The following MUC15 variants were observed in gnomAD, a reference collection of about 807,000 sequenced individuals.
MUC15 encodes the protein mucin 15, cell surface associated.
In MUC15, 23 loss-of-function variants were observed where a neutral mutation model predicts 24.0. The ratio of observed to expected loss-of-function variants is 0.96; its 90% CI spans 0.69 to 1.36. MUC15 has a LOEUF of 1.36. Among genes scored for constraint, MUC15 ranks in the 40% most tolerant of loss-of-function variants. MUC15 has a pLI of 0.00. For missense variants in MUC15, 442 were observed against 428.2 expected (o/e 1.03, Z -0.29); for synonymous variants, 151 against 156.3 (o/e 0.97, Z 0.25).
chr11:26,559,644 C>T lies in MUC15; in HGVS notation c.*1421G>A, dbSNP rs1187440864. The T allele has an allele frequency of 1.5e-5, 15 of 995,044 alleles. No individual in the cohort carries two copies. The East Asian group carries it at 3.6e-4, about 24-fold the overall frequency. The allele number at this position is 995,044 out of a possible 1,614,324, so 61.6% of individuals were successfully genotyped here. A position where few individuals can be genotyped will look rare whatever the true frequency, so the allele number is the denominator to read the frequency against. On this transcript the variant is annotated 3_prime_UTR_variant, in exon 5 of 5. Transcript: ENST00000529533. Reference sequence around the variant, plus strand: ...TCTATTTGAGAAAAAATCATAGTACCTGAGTGCAAACAGTATTCACTGGCT... The same window carrying T: ...TCTATTTGAGAAAAAATCATAGTACTTGAGTGCAAACAGTATTCACTGGCT...
intron 1 of MUC15, among the ~76,000 whole-genome samples, chr11:26,570,456 C>A (rs112342092): frequency 0.12 from 18,115 of 152,100 alleles, 1,447 homozygotes; most frequent in Non-Finnish European, 0.18. Flanking sequence ...TTATACCAAG[C>A]TTTGGAAATA....
At chr11:26,567,460 A>G (rs910532671) in intron 1 of MUC15, among the ~76,000 whole-genome samples, 1 of 151,932 alleles carries the variant, frequency 6.6e-6, no homozygotes, top group African/African-American at 2.4e-5. Flanking sequence ...ATTAGGGTCT[A>G]CAGAGCTTCT....
At chr11:26,562,479 T>C (rs366748) in intron 4 of MUC15, among the ~76,000 whole-genome samples, 111,410 of 151,744 alleles carry the variant, frequency 0.73, 41,158 homozygotes, top group Admixed American at 0.8. Context: ...AAAACAAATA[T>C]CAAATTGATA....
rs1006412105 is a variant in MUC15 at position 26,559,510 on chromosome 11, G to A, written c.*1555C>T. On this transcript the variant is annotated 3_prime_UTR_variant, in exon 5 of 5. Transcript: ENST00000529533. The stretch of plus-strand genomic sequence containing the variant: ...GGGAATCAAGAGAGGAGAGAAGAGG[G>A]CTAATGTTGTTTCTTCACCTCTCCC... The A allele has an allele frequency of 5.5e-6, 3 of 542,728 alleles. No individual in the cohort carries two copies. Among genetic ancestry groups the A allele is most frequent in the African/African-American group, 3.8e-5 (2 of 52,804 alleles). 33.6% of individuals were successfully genotyped at this position (542,728 alleles called of 1,614,324 possible).
chr11:26,566,928 C>T, intron 2 of MUC15, 124 bp downstream of exon 2: 1 of 852,772 alleles, frequency 1.2e-6, no homozygotes, highest in African/African-American at 1.8e-5. Context: ...GCACTCTAAA[C>T]AAGATCTAGC....
intron 3 of MUC15, among the ~76,000 whole-genome samples, 192 bp downstream of exon 3, chr11:26,564,973 A>G (rs1850508009): frequency 6.6e-6 from 1 of 150,890 alleles, no homozygotes; most frequent in Non-Finnish European, 1.5e-5. Flanking sequence ...TGACTAGTAT[A>G]TGTTCATTGA....
At chr11:26,568,640 A>G (rs986693319) in intron 1 of MUC15, among the ~76,000 whole-genome samples, 2 of 152,116 alleles carry the variant, frequency 1.3e-5, no homozygotes, top group African/African-American at 4.8e-5. Flanking sequence ...ATAACTGTCT[A>G]TTATGGTTTC....
At chr11:26,562,391 T>C (rs2134252745) in intron 4 of MUC15, among the ~76,000 whole-genome samples, 1 of 152,066 alleles carries the variant, frequency 6.6e-6, no homozygotes, top group East Asian at 1.9e-4. Context: ...TTTGTTATGG[T>C]GACAAGAATC....
At chr11:26,564,942 C>T (rs1850506761) in intron 3 of MUC15, among the ~76,000 whole-genome samples, 1 of 150,700 alleles carries the variant, frequency 6.6e-6, no homozygotes, top group African/African-American at 2.4e-5. Context: ...CCCATTGTCT[C>T]CTTACACTCC....
chr11:26,564,606 AAATT>A (rs1850443272), intron 3 of MUC15, among the ~76,000 whole-genome samples: 1 of 148,280 alleles, frequency 6.7e-6, no homozygotes. Flanking sequence ...TCCACATAAT[AAATT>A]GTTTGTGATT....
intron 1 of MUC15, among the ~76,000 whole-genome samples, chr11:26,567,523 T>A (rs922810856): frequency 6.6e-6 from 1 of 152,014 alleles, no homozygotes; most frequent in African/African-American, 2.4e-5. Flanking sequence ...CTCTCTTACA[T>A]AATAATTTCT....
At chr11:26,563,323 T>G in intron 3 of MUC15, 58 bp from the exon 4 acceptor site, 3 of 1,498,230 alleles carry the variant, frequency 2.0e-6, no homozygotes, top group African/African-American at 1.4e-5. Context: ...AACCGAACTC[T>G]ATGCATGTGA....
chr11:26,563,091 G>A (rs377300882), intron 4 of MUC15, 25 bp downstream of exon 4: 4 of 1,608,590 alleles, frequency 2.5e-6, no homozygotes, highest in African/African-American at 1.3e-5. Context: ...CTGTGCCCAG[G>A]TGAAGTATTG....
rs1414783321 is a variant in MUC15 at position 26,559,934 on chromosome 11, A to G, written c.*1131T>C. 2 of 562,278 alleles carry G rather than the reference A, an allele frequency of 3.6e-6. No individual in the cohort carries two copies. The highest frequency in any genetic ancestry group is 6.3e-6 in the Non-Finnish European group (2 of 316,086). The allele number at this position is 562,278 out of a possible 1,614,324, so 34.8% of individuals were successfully genotyped here. ...GGTACTTGATTTGTTTGCTCTCTTC[A>G]TATATTCAGTGCTTCTTTAGGAATT... On this transcript the variant is annotated 3_prime_UTR_variant, in exon 5 of 5. Transcript: ENST00000529533.
rs1478571987 is a variant in MUC15 at position 26,560,060 on chromosome 11, A to G, written c.*1005T>C. ...GAAGGTGGTAATTAAAAACAAACTG[A>G]AACATACTAGAATCCAAATTAATCT... On this transcript the variant is annotated 3_prime_UTR_variant, in exon 5 of 5. Coordinates refer to ENST00000529533, the MANE Select transcript of MUC15 (RefSeq NM_001135091.2). 9.4e-6 allele frequency: 3 copies of G among 317,622 alleles called. No individual in the cohort carries two copies. The highest frequency in any genetic ancestry group is 6.4e-5 in the African/African-American group (3 of 46,824). 19.7% of individuals were successfully genotyped at this position (317,622 alleles called of 1,614,324 possible). A position where few individuals can be genotyped will look rare whatever the true frequency, so the allele number is the denominator to read the frequency against.
chr11:26,561,590 G>T (rs990788345), intron 4 of MUC15, among the ~76,000 whole-genome samples: 1 of 151,960 alleles, frequency 6.6e-6, no homozygotes, highest in African/African-American at 2.4e-5. Context: ...GTCACTTCTG[G>T]TGTAAAATTT....
intron 3 of MUC15, among the ~76,000 whole-genome samples, chr11:26,564,416 G>T (rs115891049): frequency 8.7e-5 from 10 of 114,584 alleles, no homozygotes; most frequent in Middle Eastern, 9.1e-3. Flanking sequence ...TGAGTTCTTG[G>T]AGGAAAACAA....
At position 26,560,922 on chromosome 11, in the gene MUC15, T is replaced by A; in HGVS notation, c.*143A>T. 2 of 783,512 alleles carry A rather than the reference T, an allele frequency of 2.6e-6. No homozygotes were observed. The highest frequency in any genetic ancestry group is 4.0e-5 in the South Asian group (2 of 49,692). 48.5% of individuals were successfully genotyped at this position (783,512 alleles called of 1,614,324 possible). Reference sequence around the variant, plus strand: ...TTGGATGATACATCCTGTCTACATTTCTGCTACTGGTCTCCTGCTTTTATG... The same window carrying A: ...TTGGATGATACATCCTGTCTACATTACTGCTACTGGTCTCCTGCTTTTATG... On this transcript the variant is annotated 3_prime_UTR_variant, in exon 5 of 5. Coordinates refer to ENST00000529533, the MANE Select transcript of MUC15 (RefSeq NM_001135091.2).
chr11:26,561,387 T>C (rs1850286273), intron 4 of MUC15, among the ~76,000 whole-genome samples, 162 bp from the exon 5 acceptor site: 1 of 152,062 alleles, frequency 6.6e-6, no homozygotes, highest in Admixed American at 6.6e-5. Flanking sequence ...GTAGATGTTT[T>C]TCAAGCTTCA....
Sources: gnomAD v4.1 joint callset for allele counts (sites outside exome capture counted in the v4.1 genomes callset) on GRCh38, gnomAD v4.1.1 for gene constraint, MANE v1.5 for transcripts, NCBI Gene and HGNC (gene_info 2026-07-23, HGNC 2026-07-21) for gene names.